The following USH2A variants were observed in gnomAD, a reference collection of about 807,000 sequenced individuals.
USH2A encodes Usher syndrome 2A (autosomal recessive, mild).
A neutral mutation model predicts 538.9 loss-of-function variants in USH2A; 443 were observed. That is an observed-to-expected ratio of 0.82 (90% CI 0.76 to 0.89). The LOEUF (loss-of-function observed/expected upper bound fraction) is 0.89. USH2A is among the 40% of genes least tolerant of loss of function. The pLI is 0.00. For synonymous variants in USH2A, 2,413 were observed against 2,273.5 expected (o/e 1.06, Z -1.75); for missense variants, 6,633 against 6,324.8 (o/e 1.05, Z -1.65).
intron 58 of USH2A, among the ~76,000 whole-genome samples, chr1:215,750,672 A>G (rs1660599559): frequency 6.6e-6 from 1 of 152,166 alleles, no homozygotes; most frequent in South Asian, 2.1e-4. Context: ...CCGCACGTTT[A>G]GGTGGAAAAA....
chr1:215,680,048 C>G, intron 62 of USH2A, 101 bp downstream of exon 62: 1 of 1,165,304 alleles, frequency 8.6e-7, no homozygotes, highest in Non-Finnish European at 1.3e-6. Context: ...ATTAAACAGG[C>G]TGTGAAGGGA....
chr1:216,397,694 G>A (rs985630906), intron 3 of USH2A, among the ~76,000 whole-genome samples: 5 of 152,202 alleles, frequency 3.3e-5, no homozygotes, highest in Admixed American at 2.6e-4. Flanking sequence ...TGGTCTCTGG[G>A]GGATCTGGGG....
intron 38 of USH2A, among the ~76,000 whole-genome samples, chr1:215,917,747 G>A (rs551433982): frequency 1.6e-5 from 2 of 124,862 alleles, no homozygotes; most frequent in African/African-American, 3.1e-5. Context: ...AGTTTGAGAC[G>A]AGTCTGAGTA....
intron 20 of USH2A, among the ~76,000 whole-genome samples, chr1:216,177,346 T>C (rs2034408087): frequency 1.3e-5 from 2 of 152,232 alleles, no homozygotes; most frequent in African/African-American, 4.8e-5. Context: ...ATTTGCCATC[T>C]GTATATCTTC....
intron 3 of USH2A, among the ~76,000 whole-genome samples, chr1:216,395,743 G>A (rs900275525): frequency 6.6e-6 from 1 of 152,194 alleles, no homozygotes; most frequent in Non-Finnish European, 1.5e-5. Context: ...AGGCAGAGAG[G>A]TGGCAGGTTT....
At chr1:215,837,694 C>T (rs986380918) in intron 47 of USH2A, among the ~76,000 whole-genome samples, 8 of 151,906 alleles carry the variant, frequency 5.3e-5, no homozygotes, top group African/African-American at 7.3e-5. Flanking sequence ...TATTATGCTC[C>T]GCAAAAGGAT....
intron 3 of USH2A, among the ~76,000 whole-genome samples, chr1:216,404,065 C>T (rs1227136256): frequency 6.6e-6 from 1 of 152,120 alleles, no homozygotes; most frequent in African/African-American, 2.4e-5. Context: ...ATAAATTACC[C>T]AGTCTCTGGT....
At chr1:216,061,424 G>GT (rs540213273) in intron 30 of USH2A, among the ~76,000 whole-genome samples, 10 of 151,934 alleles carry the variant, frequency 6.6e-5, no homozygotes, top group African/African-American at 1.9e-4. Context: ...TATACATTTA[G>GT]TTTTTTATTT....
At chr1:215,859,126 T>C (rs1158368771) in intron 44 of USH2A, among the ~76,000 whole-genome samples, 1 of 152,162 alleles carries the variant, frequency 6.6e-6, no homozygotes, top group Admixed American at 6.6e-5. Context: ...GGTCCCACTC[T>C]TATAATCTCA....
intron 11 of USH2A, among the ~76,000 whole-genome samples, chr1:216,284,091 C>T (rs56357273): frequency 6.6e-6 from 1 of 151,940 alleles, no homozygotes; most frequent in African/African-American, 2.4e-5. Flanking sequence ...CTTTCTCTCT[C>T]TATATATATA....
At chr1:216,281,568 T>C (rs926888731) in intron 11 of USH2A, among the ~76,000 whole-genome samples, 61 of 152,310 alleles carry the variant, frequency 4.0e-4, no homozygotes, top group African/African-American at 1.4e-3. Flanking sequence ...TCTTTCTTTT[T>C]AATGTAAAAT....
intron 42 of USH2A, among the ~76,000 whole-genome samples, 166 bp from the exon 43 acceptor site, chr1:215,878,046 T>A (rs1489222148): frequency 6.6e-6 from 1 of 152,182 alleles, no homozygotes; most frequent in East Asian, 1.9e-4. Context: ...AACGTTTTTT[T>A]TTCTGGACCA....
intron 47 of USH2A, among the ~76,000 whole-genome samples, chr1:215,817,436 C>A (rs760210501): frequency 3.3e-5 from 5 of 151,832 alleles, no homozygotes; most frequent in Admixed American, 6.6e-5. Flanking sequence ...GTCACTATGG[C>A]TAATCAAGAA....
intron 58 of USH2A, among the ~76,000 whole-genome samples, chr1:215,757,176 T>C (rs1660838434): frequency 6.6e-6 from 1 of 152,228 alleles, no homozygotes; most frequent in Non-Finnish European, 1.5e-5. Context: ...GCACATTTAT[T>C]TTAAACAAAA....
intron 30 of USH2A, among the ~76,000 whole-genome samples, chr1:216,054,748 G>A (rs1035155734): frequency 8.6e-5 from 13 of 151,804 alleles, no homozygotes; most frequent in Admixed American, 7.2e-4. Flanking sequence ...ATCTGTGGGC[G>A]GAAAGATTTC....
intron 60 of USH2A, among the ~76,000 whole-genome samples, chr1:215,728,832 A>G (rs1258559119): frequency 6.6e-6 from 1 of 152,178 alleles, no homozygotes; most frequent in East Asian, 1.9e-4. Flanking sequence ...ATGCATTTTT[A>G]TATATTTTCC....
chr1:216,057,173 A>G (rs916453987), intron 30 of USH2A, among the ~76,000 whole-genome samples: 4 of 152,216 alleles, frequency 2.6e-5, no homozygotes, highest in Admixed American at 2.6e-4. Flanking sequence ...TGAAGATTTC[A>G]CAATGTACCA....
At position 215,642,065 on chromosome 1, in the gene USH2A, G is replaced by A. The variant is rs1358168952; in HGVS notation, c.14792-1331C>T. On this transcript the variant is annotated intron_variant, in intron 67 of 71. Transcript: ENST00000307340. ...AACAGCACAGATAAAGAAACAGCTT[G>A]TAACTAGCAAGAAAATAGAAAGATA... Among the ~76,000 whole-genome samples the A allele has an allele frequency of 2.0e-5, 3 of 152,170 alleles. No individual in the cohort carries two copies. In the East Asian group the frequency reaches 5.8e-4, roughly 29 times the overall value.
In USH2A at chr1:215,934,682, C is replaced by G. The variant is rs755361656; in HGVS notation, c.7234G>C (p.Val2412Leu). 26 of 1,612,722 alleles carry G rather than the reference C, an allele frequency of 1.6e-5. No homozygotes were observed. Among genetic ancestry groups the G allele is most frequent in the Non-Finnish European group, 2.1e-5 (25 of 1,179,138 alleles). The change falls in exon 38 of 72, where the codon GTG becomes CTG. Residue 2412 changes from valine (V) to leucine (L), a missense_variant. By Grantham distance (32) the Val-to-Leu change is conservative. Coordinates refer to ENST00000307340, the MANE Select transcript of USH2A (RefSeq NM_206933.4). ...LVPFTNYTVQ[V>L]NISNSQGSLI... ...CTGCCTTGGCTATTTGAAATATTCA[C>G]TTGTACAGTATAGTTGGTAAAAGGA...
Sources: gnomAD v4.1 joint callset for allele counts (sites outside exome capture counted in the v4.1 genomes callset) on GRCh38, gnomAD v4.1.1 for gene constraint, MANE v1.5 for transcripts, NCBI Gene and HGNC (gene_info 2026-07-23, HGNC 2026-07-21) for gene names.